The following DLGAP2 variants were observed in gnomAD, a reference collection of about 807,000 sequenced individuals.
DLGAP2 encodes the protein disks large-associated protein 2.
Under a neutral mutation model 100.3 loss-of-function variants are expected in DLGAP2, and 26 were observed. The ratio of observed to expected loss-of-function variants is 0.26; its 90% CI spans 0.19 to 0.36. The LOEUF (loss-of-function observed/expected upper bound fraction) is 0.36, where lower values mean the gene tolerates loss of function less well. DLGAP2 is among the 10% of genes least tolerant of loss of function. DLGAP2 has a pLI of 1.00. For synonymous variants in DLGAP2, 886 were observed against 630.1 expected, an observed-to-expected ratio of 1.41 and a Z score of -6.08; for missense variants, 1,858 against 1,453.2, an observed-to-expected ratio of 1.28 and a Z score of -4.53.
intron 6 of DLGAP2, among the ~76,000 whole-genome samples, chr8:1,592,198 C>T (rs771603340): frequency 3.5e-4 from 54 of 152,210 alleles, no homozygotes; most frequent in Non-Finnish European, 7.2e-4. Flanking sequence ...CCATGGTTCC[C>T]CACTGCCAGT....
intron 2 of DLGAP2, among the ~76,000 whole-genome samples, chr8:1,061,359 G>A (rs577647447): frequency 3.9e-5 from 6 of 152,248 alleles, no homozygotes; most frequent in South Asian, 2.1e-4. Context: ...AGGCCTGGGC[G>A]GTGTGGAAGC....
chr8:1,020,022 C>T (rs572994703), intron 2 of DLGAP2, among the ~76,000 whole-genome samples: 1 of 152,290 alleles, frequency 6.6e-6, no homozygotes, highest in South Asian at 2.1e-4. Context: ...AGTTGCTTAA[C>T]ATTTTAACTG....
rs374265778 is a variant in DLGAP2, at chr8:1,290,399, G to C, written c.106+31516G>C. Reference sequence around the variant, plus strand: ...GACGGCAGGGTTTGAACATCGGGCTGTCTGACCAGCACACCTGCACTCCTG... The same window carrying C: ...GACGGCAGGGTTTGAACATCGGGCTCTCTGACCAGCACACCTGCACTCCTG... On this transcript the variant is annotated intron_variant, in intron 3 of 14. Transcript: ENST00000637795. 3.9e-5 allele frequency among the ~76,000 whole-genome samples: 6 copies of C among 152,198 alleles called. No individual in the cohort carries two copies. The South Asian group carries it at 1.0e-3, about 26-fold the overall frequency.
intron 2 of DLGAP2, among the ~76,000 whole-genome samples, chr8:1,237,100 A>G (rs1170045458): frequency 2.1e-5 from 2 of 93,636 alleles, no homozygotes; most frequent in African/African-American, 4.5e-5. Context: ...GTTCTCTCAC[A>G]TGGCACCGTG....
At chr8:946,159 CCT>C (rs752052428) in intron 2 of DLGAP2, among the ~76,000 whole-genome samples, 1 of 152,104 alleles carries the variant, frequency 6.6e-6, no homozygotes, top group Non-Finnish European at 1.5e-5. Context: ...AGCGTGACCC[CCT>C]GACTCCCCCA....
At chr8:1,134,899 G>A (rs553869932) in intron 2 of DLGAP2, among the ~76,000 whole-genome samples, 23 of 152,216 alleles carry the variant, frequency 1.5e-4, no homozygotes, top group Middle Eastern at 3.4e-3. Flanking sequence ...ATCCCCTCCC[G>A]CCAGGTCTCT....
At position 1,651,615 on chromosome 8, in the gene DLGAP2, C is replaced by A. The variant is rs377164071; in HGVS notation, c.1811-16714C>A. 2.6e-5 allele frequency among the ~76,000 whole-genome samples: 4 copies of A among 152,288 alleles called. No homozygotes were observed. In the East Asian group the frequency reaches 5.8e-4, roughly 22 times the overall value. On this transcript the variant is annotated intron_variant, in intron 8 of 14. Transcript: ENST00000637795. ...ATGACCACCCCACTCCTGCCGGGCT[C>A]CTGCCTGGCCCACAGCTCCAATGGC...
intron 3 of DLGAP2, among the ~76,000 whole-genome samples, chr8:1,319,759 T>C (rs1379336068): frequency 3.3e-5 from 5 of 152,134 alleles, no homozygotes; most frequent in Non-Finnish European, 1.5e-5. Flanking sequence ...GGGGACAGTT[T>C]CCAGGCAGGG....
At chr8:831,895 A>G (rs778301347) in intron 1 of DLGAP2, among the ~76,000 whole-genome samples, 5 of 151,978 alleles carry the variant, frequency 3.3e-5, no homozygotes, top group South Asian at 2.1e-4. Flanking sequence ...AGACTTTTTA[A>G]TAATCACCAT....
intron 2 of DLGAP2, among the ~76,000 whole-genome samples, chr8:1,098,092 G>A (rs545456371): frequency 2.0e-5 from 3 of 152,234 alleles, no homozygotes; most frequent in African/African-American, 7.2e-5. Context: ...TCCTTGCAAC[G>A]CAATTCTGCT....
rs149230110 is a variant in DLGAP2 at position 1,172,897 on chromosome 8, C to T, written c.74-85954C>T. Among the ~76,000 whole-genome samples, 986 of 152,338 alleles carry T rather than the reference C, an allele frequency of 6.5e-3. 13 individuals are homozygous for T. Among genetic ancestry groups the T allele is most frequent in the African/African-American group, 0.022 (934 of 41,584 alleles). Reference sequence around the variant, plus strand: ...CTCTCATCTCGTCAAAGTCATTCTCCGTCCAGCTTTGTTCGATTGCTGGTG... The same window carrying T: ...CTCTCATCTCGTCAAAGTCATTCTCTGTCCAGCTTTGTTCGATTGCTGGTG... On this transcript the variant is annotated intron_variant, in intron 2 of 14. Transcript: ENST00000637795.
chr8:1,230,139 G>T (rs1251445547), intron 2 of DLGAP2, among the ~76,000 whole-genome samples: 3 of 152,080 alleles, frequency 2.0e-5, no homozygotes, highest in African/African-American at 7.2e-5. Flanking sequence ...AGGGCTCCTG[G>T]AACTGATAAA....
intron 6 of DLGAP2, among the ~76,000 whole-genome samples, chr8:1,589,251 G>T (rs1474983797): frequency 1.3e-5 from 2 of 152,150 alleles, no homozygotes; most frequent in African/African-American, 2.4e-5. Context: ...CAACCTATAA[G>T]TACAGTTTTT....
At chr8:971,866 A>G (rs1800023368) in intron 2 of DLGAP2, among the ~76,000 whole-genome samples, 1 of 152,180 alleles carries the variant, frequency 6.6e-6, no homozygotes. Flanking sequence ...AGGGGGAAGA[A>G]AGCTAAGAAG....
intron 2 of DLGAP2, among the ~76,000 whole-genome samples, chr8:1,196,961 C>T (rs1563246769): frequency 6.6e-6 from 1 of 152,126 alleles, no homozygotes; most frequent in African/African-American, 2.4e-5. Flanking sequence ...AAGCTGGAGA[C>T]CCAGGGAAGC....
rs377388256 is a variant in DLGAP2, at chr8:1,407,199, G to A, written c.107-94167G>A. On this transcript the variant is annotated intron_variant, in intron 3 of 14. Coordinates refer to ENST00000637795, the MANE Select transcript of DLGAP2 (RefSeq NM_001346810.2). ...ACTGAGCGCTCCCTCCTTGTCCTCC[G>A]GAGTCGTGTATTGAGTGCTTACTGA... is the stretch of plus-strand genomic sequence containing the variant. Among the ~76,000 whole-genome samples, 45 of 9,354 alleles carry A rather than the reference G, an allele frequency of 4.8e-3. 1 individual carries two copies. Among genetic ancestry groups the A allele is most frequent in the African/African-American group, 7.0e-3 (10 of 1,420 alleles). 6.1% of individuals were successfully genotyped at this position (9,354 alleles called of 152,430 possible).
At chr8:996,467 A>G (rs368764587) in intron 2 of DLGAP2, among the ~76,000 whole-genome samples, 1 of 152,106 alleles carries the variant, frequency 6.6e-6, no homozygotes, top group African/African-American at 2.4e-5. Context: ...GTGCTGAAGG[A>G]ACATTGTGTT....
At chr8:737,861 G>T in intron 1 of DLGAP2, 36 bp downstream of exon 1, 3 of 374,784 alleles carry the variant, frequency 8.0e-6, no homozygotes, top group Admixed American at 4.6e-5. Flanking sequence ...AGCCGGGCGC[G>T]GGGCTCCGAG....
At chr8:1,220,080 T>C (rs1345382001) in intron 2 of DLGAP2, among the ~76,000 whole-genome samples, 4 of 152,172 alleles carry the variant, frequency 2.6e-5, no homozygotes, top group African/African-American at 9.7e-5. Flanking sequence ...TTTGTTGATG[T>C]TTTGAATGGA....
Sources: gnomAD v4.1 joint callset for allele counts (sites outside exome capture counted in the v4.1 genomes callset) on GRCh38, gnomAD v4.1.1 for gene constraint, MANE v1.5 for transcripts, NCBI Gene and HGNC (gene_info 2026-07-23, HGNC 2026-07-21) for gene names.